Variants in TUBGCP4 observed in about 807,000 individuals in gnomAD.
The protein encoded by TUBGCP4 is gamma-tubulin complex component 4.
A neutral mutation model predicts 91.6 loss-of-function variants in TUBGCP4; 54 were observed. The observed-to-expected ratio is 0.59, with a 90% confidence interval of 0.47 to 0.74. The LOEUF is 0.74. Among genes scored for constraint, TUBGCP4 ranks in the 30% least tolerant of loss-of-function variants. The pLI, the probability that TUBGCP4 is intolerant of heterozygous loss-of-function variation, is 0.00. For synonymous variants in TUBGCP4, 297 were observed against 302.8 expected (o/e 0.98, Z 0.20); for missense variants, 593 against 800.9 (o/e 0.74, Z 3.13).
At chr15:43,393,212 C>CT (rs35647356) in intron 9 of TUBGCP4, among the ~76,000 whole-genome samples, 105 of 139,220 alleles carry the variant, frequency 7.5e-4, no homozygotes, top group East Asian at 1.9e-3. Flanking sequence ...TTCCCAATGT[C>CT]TTTTTTTTTT....
At chr15:43,376,035 T>C (rs965844035) in intron 1 of TUBGCP4, 63 bp from the exon 2 acceptor site, 2 of 1,601,892 alleles carry the variant, frequency 1.2e-6, no homozygotes, top group African/African-American at 1.3e-5. Context: ...ATGAAGCGTT[T>C]GAAGCACCTG....
intron 17 of TUBGCP4, 91 bp downstream of exon 17, chr15:43,404,643 C>T: frequency 7.5e-7 from 1 of 1,340,514 alleles, no homozygotes. Context: ...GACTTTAGTC[C>T]AAATACCCTC....
intron 1 of TUBGCP4, among the ~76,000 whole-genome samples, chr15:43,374,482 C>T (rs1331123377): frequency 3.3e-5 from 5 of 152,068 alleles, no homozygotes; most frequent in African/African-American, 7.2e-5. Flanking sequence ...CATGGTGACA[C>T]ATGCCTGTAG....
intron 13 of TUBGCP4, chr15:43,399,280 G>T (rs967408999): frequency 6.3e-6 from 3 of 473,272 alleles, no homozygotes; most frequent in African/African-American, 6.1e-5. Context: ...AGGGAGGCAG[G>T]AGCGGGAGTC....
intron 4 of TUBGCP4, chr15:43,377,613 A>AAG (rs1354981938): frequency 1.0e-5 from 2 of 190,798 alleles, no homozygotes; most frequent in African/African-American, 4.7e-5. Flanking sequence ...CCCTGTCTCA[A>AAG]AAAAAAAAAA....
chr15:43,392,999 A>G (rs958500591), intron 9 of TUBGCP4, among the ~76,000 whole-genome samples: 2 of 152,174 alleles, frequency 1.3e-5, no homozygotes, highest in African/African-American at 4.8e-5. Context: ...GTTAGTCTGC[A>G]CTTTCTAGAG....
Position 43,403,819 on chromosome 15 carries a change from T to A in TUBGCP4, c.1848+20T>A, listed in dbSNP as rs1423632296. The A allele has an allele frequency of 1.9e-6, 3 of 1,581,058 alleles. No individual in the cohort carries two copies. In the African/African-American group the frequency reaches 4.0e-5, roughly 21 times the overall value. ...GTGAAGGTGCGTCTGCCTGGAAGTA[T>A]GCAGCCTTGCCGAAAGGACAGAGGT... On this transcript the variant is annotated intron_variant, in intron 16 of 17. Transcript: ENST00000564079.
At chr15:43,390,223 A>G (rs982258604) in intron 9 of TUBGCP4, among the ~76,000 whole-genome samples, 1 of 152,168 alleles carries the variant, frequency 6.6e-6, no homozygotes, top group Non-Finnish European at 1.5e-5. Flanking sequence ...AGAACAGTTT[A>G]TATAAGACAG....
intron 7 of TUBGCP4, 107 bp downstream of exon 7, chr15:43,383,611 C>A: frequency 1.1e-6 from 1 of 892,024 alleles, no homozygotes; most frequent in South Asian, 2.3e-5. Context: ...GAGCACCTTC[C>A]ATCAATCCTT....
Position 43,409,260 on chromosome 15 carries a change from C to T in TUBGCP4, c.*4046C>T. 1.6e-6 allele frequency: 1 copy of T among 644,082 alleles called. No homozygotes were observed. Among genetic ancestry groups the T allele is most frequent in the South Asian group, 1.9e-5 (1 of 52,530 alleles). 39.9% of individuals were successfully genotyped at this position (644,082 alleles called of 1,614,324 possible). ...AGGCCACTCTTCTCACTGGAAGGCC[C>T]AAGTAATTTCCATAGATGTTCTCTC... On this transcript the variant is annotated 3_prime_UTR_variant, in exon 18 of 18. Transcript: ENST00000564079.
chr15:43,401,629 C>A, intron 14 of TUBGCP4, 87 bp from the exon 15 acceptor site: 1 of 1,417,532 alleles, frequency 7.1e-7, no homozygotes, highest in Non-Finnish European at 9.7e-7. Flanking sequence ...GGAGGCAAAG[C>A]ATTTTCATTT....
In TUBGCP4 at chr15:43,409,610, T is replaced by G. The variant is rs903198388; in HGVS notation, c.*4396T>G. 2 of 1,176,902 alleles carry G rather than the reference T, an allele frequency of 1.7e-6. No individual in the cohort carries two copies. The highest frequency in any genetic ancestry group is 2.4e-6 in the Non-Finnish European group (2 of 836,858). The allele number at this position is 1,176,902 out of a possible 1,614,324, so 72.9% of individuals were successfully genotyped here. A position where few individuals can be genotyped will look rare whatever the true frequency, so the allele number is the denominator to read the frequency against. The stretch of plus-strand genomic sequence containing the variant: ...CAACACAGCAAGTTGGCTCTTATCA[T>G]TGCCACTATATTAGGTTACACAAAG... On this transcript the variant is annotated 3_prime_UTR_variant, in exon 18 of 18. Transcript: ENST00000564079.
rs2142907432 is a variant in TUBGCP4 at position 43,405,238 on chromosome 15, A to G, written c.*24A>G. ...GAAAATTTCTGGCTCATAAATTGAA[A>G]TAACAGCCACGTTCCCAAGGTTGTA... is the stretch of plus-strand genomic sequence containing the variant. On this transcript the variant is annotated 3_prime_UTR_variant, in exon 18 of 18. Transcript: ENST00000564079. 1 of 1,613,882 alleles carries G rather than the reference A, an allele frequency of 6.2e-7. No individual in the cohort carries two copies. Among genetic ancestry groups the G allele is most frequent in the Non-Finnish European group, 8.5e-7 (1 of 1,179,760 alleles).
chr15:43,387,524 T>A (rs908566687), intron 9 of TUBGCP4, among the ~76,000 whole-genome samples: 1 of 151,730 alleles, frequency 6.6e-6, no homozygotes, highest in African/African-American at 2.4e-5. Flanking sequence ...TGCAATGGTG[T>A]GATCTCGGCT....
chr15:43,386,377 A>ATATATATATTTTTTTTTTTTTTTTTT (rs1555394852), intron 9 of TUBGCP4, 47 bp downstream of exon 9: 1 of 19,102 alleles, frequency 5.2e-5, no homozygotes. Context: ...ATATATATAT[A>ATATATATATTTTTTTTTTTTTTTTTT]TTTTTTTTTT....
rs1387546504 is a variant in TUBGCP4, at chr15:43,406,621, T to TGC, written c.*1408_*1409dup. On this transcript the variant is annotated 3_prime_UTR_variant, in exon 18 of 18. Coordinates refer to ENST00000564079, the MANE Select transcript of TUBGCP4 (RefSeq NM_014444.5). The stretch of plus-strand genomic sequence containing the variant: ...TACAGAAAAAAACCTTGTTGACCCC[T>TGC]GCTTTAGAGAATGAGAAGCCATGCA... The TGC allele has an allele frequency of 2.2e-6, 1 of 455,908 alleles. No individual in the cohort carries two copies. Among genetic ancestry groups the TGC allele is most frequent in the African/African-American group, 2.0e-5 (1 of 50,054 alleles). 28.2% of individuals were successfully genotyped at this position (455,908 alleles called of 1,614,324 possible).
At chr15:43,373,947 C>T (rs1376778579) in intron 1 of TUBGCP4, among the ~76,000 whole-genome samples, 5 of 152,094 alleles carry the variant, frequency 3.3e-5, no homozygotes, top group East Asian at 1.9e-4. Flanking sequence ...CCACTGCGCC[C>T]GGCAAGAGAC....
rs117651906 is a variant in TUBGCP4, at chr15:43,404,874, G to A, written c.1988+322G>A. 3,516 of 480,042 alleles carry A rather than the reference G, an allele frequency of 7.3e-3. 141 individuals are homozygous for A. The East Asian group carries it at 0.092, about 13-fold the overall frequency. 29.7% of individuals were successfully genotyped at this position (480,042 alleles called of 1,614,324 possible). A position where few individuals can be genotyped will look rare whatever the true frequency, so the allele number is the denominator to read the frequency against. ...CTAGCTGTGCAGCCGTGGGCACCCC[G>A]CCTTGCTGGTCCCTAGCTTCCGCAT... is the stretch of plus-strand genomic sequence containing the variant. On this transcript the variant is annotated intron_variant, in intron 17 of 17. Transcript: ENST00000564079.
At chr15:43,386,185 C>A in intron 8 of TUBGCP4, 21 bp from the exon 9 acceptor site, 1 of 1,596,440 alleles carries the variant, frequency 6.3e-7, no homozygotes, top group Non-Finnish European at 8.5e-7. Context: ...CCTCCTTTGA[C>A]GGTGTCTTCC....
Sources: allele counts gnomAD v4.1 joint callset (sites outside exome capture counted in the v4.1 genomes callset), GRCh38; gene constraint gnomAD v4.1.1; transcripts MANE v1.5; gene names NCBI Gene and HGNC (gene_info 2026-07-23, HGNC 2026-07-21).